Variants in GPC1 observed in about 807,000 individuals in gnomAD.
GPC1 encodes the protein glypican 1.
A neutral mutation model predicts 51.5 loss-of-function variants in GPC1; 26 were observed. The ratio of observed to expected loss-of-function variants is 0.50; its 90% CI spans 0.37 to 0.70. The LOEUF (loss-of-function observed/expected upper bound fraction) is 0.70. Among genes scored for constraint, GPC1 ranks in the 30% least tolerant of loss-of-function variants. GPC1 has a pLI of 0.00. For missense variants in GPC1, 775 were observed against 800.5 expected (o/e 0.97, Z 0.38); for synonymous variants, 380 against 348.3 (o/e 1.09, Z -1.01).
chr2:240,449,989 G>GTGAA, intron 1 of GPC1: 1 of 456,616 alleles, frequency 2.2e-6, no homozygotes, highest in Non-Finnish European at 4.5e-6. Flanking sequence ...TCCGGCTCTG[G>GTGAA]TGAATAATGC....
chr2:240,451,378 C>T (rs1559197191), intron 1 of GPC1: 1 of 410,858 alleles, frequency 2.4e-6, no homozygotes, highest in Non-Finnish European at 5.1e-6. Context: ...TCCAGGCCTC[C>T]TTGGGTGCCT....
intron 1 of GPC1, chr2:240,457,335 C>A: frequency 4.5e-6 from 2 of 441,648 alleles, no homozygotes; most frequent in East Asian, 1.5e-4. Flanking sequence ...GCTACAGGGG[C>A]CAAGCGGCAG....
At chr2:240,440,096 G>A (rs1021539891) in intron 1 of GPC1, among the ~76,000 whole-genome samples, 1 of 152,236 alleles carries the variant, frequency 6.6e-6, no homozygotes, top group Non-Finnish European at 1.5e-5. Flanking sequence ...GTGGCCAGGA[G>A]GGAGAAGGTG....
At chr2:240,449,861 G>A (rs1375431825) in intron 1 of GPC1, 3 of 470,480 alleles carry the variant, frequency 6.4e-6, no homozygotes, top group African/African-American at 2.0e-5. Context: ...GTTCCTCCAC[G>A]CCGGAGCATG....
chr2:240,453,154 C>G, intron 1 of GPC1: 1 of 249,598 alleles, frequency 4.0e-6, no homozygotes, highest in South Asian at 3.2e-5. Context: ...GTCCCATCCT[C>G]CGCTCCGTCC....
intron 1 of GPC1, chr2:240,453,053 A>G: frequency 3.0e-6 from 1 of 336,662 alleles, no homozygotes; most frequent in Non-Finnish European, 5.8e-6. Flanking sequence ...GCTGGAAGCC[A>G]GGCCCGAGGA....
Position 240,465,530 on chromosome 2 carries a change from G to A in GPC1, c.1326G>A (p.Val442=). The change falls in exon 8 of 9, where the codon GTG becomes GTA. Residue 442 remains valine (V), a synonymous_variant. Transcript: ENST00000264039. ...GLANQINNPE[V]EVDITKPDMT... ...CCAACCAGATCAACAACCCCGAGGT[G>A]GAGGTGGACATCACCAAGCCGGACA... is the stretch of plus-strand genomic sequence containing the variant. 1 of 1,613,170 alleles carries A rather than the reference G, an allele frequency of 6.2e-7. No homozygotes were observed. Among genetic ancestry groups the A allele is most frequent in the Non-Finnish European group, 8.5e-7 (1 of 1,179,968 alleles).
rs370704920 is a variant in GPC1, at chr2:240,464,941, G to T, written c.1100G>T (p.Arg367Leu). Residue 367 changes from arginine to leucine, a missense_variant, in exon 6 of 9, where the codon CGG becomes CTG. Coordinates refer to ENST00000264039, the MANE Select transcript of GPC1 (RefSeq NM_002081.3). ...EKRRRGKLAP[R>L]ERPPSGTLEK... is the part of the protein sequence containing the mutation. ...CGGCGCCGGGGCAAGCTGGCCCCGCGGGAGAGGCCACCTTCAGGCACGCTG... is the reference window on the plus strand; with the variant it reads ...CGGCGCCGGGGCAAGCTGGCCCCGCTGGAGAGGCCACCTTCAGGCACGCTG... The T allele has an allele frequency of 1.7e-5, 26 of 1,551,948 alleles. No homozygotes were observed. The highest frequency in any genetic ancestry group is 2.0e-5 in the Non-Finnish European group (23 of 1,148,070).
At chr2:240,446,018 C>T (rs945076664) in intron 1 of GPC1, among the ~76,000 whole-genome samples, 1 of 152,240 alleles carries the variant, frequency 6.6e-6, no homozygotes, top group Admixed American at 6.5e-5. Context: ...CAGAAACAAG[C>T]ATCGTCCTGA....
chr2:240,463,289 G>T, intron 3 of GPC1, 58 bp from the exon 4 acceptor site: 1 of 1,513,726 alleles, frequency 6.6e-7, no homozygotes, highest in Non-Finnish European at 9.1e-7. Flanking sequence ...TTAGGGGCTG[G>T]CCGGGGCCAG....
chr2:240,445,754 C>T (rs1005425419), intron 1 of GPC1, among the ~76,000 whole-genome samples: 5 of 152,158 alleles, frequency 3.3e-5, no homozygotes, highest in South Asian at 2.1e-4. Context: ...GATGGTGTTC[C>T]GGGACCTGGG....
chr2:240,447,421 T>C (rs2074057988), intron 1 of GPC1, among the ~76,000 whole-genome samples: 1 of 152,154 alleles, frequency 6.6e-6, no homozygotes, highest in African/African-American at 2.4e-5. Context: ...GCAGGGCTGC[T>C]CTGAGGCCGG....
At chr2:240,442,512 T>G (rs2074024897) in intron 1 of GPC1, 1 of 152,278 alleles carries the variant, frequency 6.6e-6, no homozygotes, top group Non-Finnish European at 1.5e-5. Context: ...GGCTGGTAAA[T>G]CCCACCTTGG....
chr2:240,464,047 CAT>C, intron 4 of GPC1: 1 of 202,764 alleles, frequency 4.9e-6, no homozygotes, highest in Non-Finnish European at 1.0e-5. Flanking sequence ...CACATGCTTA[CAT>C]GAGGGGGGAC....
intron 1 of GPC1, among the ~76,000 whole-genome samples, chr2:240,437,587 GGGCAC>G (rs1276154698): frequency 6.6e-6 from 1 of 152,140 alleles, no homozygotes; most frequent in Non-Finnish European, 1.5e-5. Flanking sequence ...CCCAGGTAGG[GGGCAC>G]ACCTGGATGC....
intron 3 of GPC1, among the ~76,000 whole-genome samples, 155 bp from the exon 4 acceptor site, chr2:240,463,192 T>C (rs1282814411): frequency 1.3e-5 from 2 of 152,022 alleles, no homozygotes; most frequent in African/African-American, 4.8e-5. Flanking sequence ...TGGCAGGCCC[T>C]GCGAGTCAGG....
intron 1 of GPC1, chr2:240,449,322 C>CCG (rs1335306574): frequency 1.4e-5 from 2 of 148,110 alleles, no homozygotes; most frequent in African/African-American, 5.0e-5. Flanking sequence ...CGCCCCCCCC[C>CCG]ACCCCCACGC....
chr2:240,465,010 TGAGG>T, intron 6 of GPC1, 35 bp downstream of exon 6: 1 of 1,572,342 alleles, frequency 6.4e-7, no homozygotes. Flanking sequence ...GGACCAGGCA[TGAGG>T]GAGGCAGACA....
intron 1 of GPC1, 35 bp downstream of exon 1, chr2:240,436,119 G>A (rs1574752261): frequency 8.0e-7 from 1 of 1,244,082 alleles, no homozygotes; most frequent in African/African-American, 1.5e-5. Flanking sequence ...ACCCGGGCCT[G>A]GCCGGGCTTT....
Sources: gnomAD v4.1 joint callset for allele counts (sites outside exome capture counted in the v4.1 genomes callset) on GRCh38, gnomAD v4.1.1 for gene constraint, MANE v1.5 for transcripts, NCBI Gene and HGNC (gene_info 2026-07-23, HGNC 2026-07-21) for gene names.